DCC: variants seen among roughly 807,000 people sequenced by gnomAD.
DCC encodes DCC netrin 1 receptor.
DCC carries 58 observed loss-of-function variants against 172.5 expected under a neutral mutation model. That is an observed-to-expected ratio of 0.34 (90% CI 0.27 to 0.42). The LOEUF (loss-of-function observed/expected upper bound fraction) is 0.42, where lower values mean the gene tolerates loss of function less well. DCC is among the 10% of genes least tolerant of loss of function. DCC has a pLI of 1.00. For synonymous variants in DCC, 709 were observed against 644.5 expected (o/e 1.10, Z -1.52); for missense variants, 1,740 against 1,791.0 (o/e 0.97, Z 0.51).
intron 7 of DCC, among the ~76,000 whole-genome samples, chr18:53,142,583 T>G (rs1010029540): frequency 6.6e-6 from 1 of 152,174 alleles, no homozygotes; most frequent in Non-Finnish European, 1.5e-5. Context: ...CAACAGTCCC[T>G]ACCCCTCTTT....
At chr18:53,283,754 C>T (rs2056900443) in intron 12 of DCC, among the ~76,000 whole-genome samples, 1 of 152,060 alleles carries the variant, frequency 6.6e-6, no homozygotes, top group Non-Finnish European at 1.5e-5. Flanking sequence ...TGCAATTTTC[C>T]AAAAACAAAG....
intron 5 of DCC, among the ~76,000 whole-genome samples, chr18:52,929,850 A>G (rs2145499949): frequency 6.7e-6 from 1 of 149,212 alleles, no homozygotes; most frequent in East Asian, 1.9e-4. Flanking sequence ...ACACACACAC[A>G]CACACACACA....
chr18:52,456,656 T>C (rs925217276), intron 1 of DCC, among the ~76,000 whole-genome samples: 1 of 152,150 alleles, frequency 6.6e-6, no homozygotes, highest in South Asian at 2.1e-4. Context: ...GATATAAATA[T>C]TTGGGCAAGT....
chr18:53,181,727 A>G (rs567746781), intron 9 of DCC, among the ~76,000 whole-genome samples: 3 of 152,322 alleles, frequency 2.0e-5, no homozygotes, highest in Admixed American at 2.0e-4. Flanking sequence ...TATGTGAGTA[A>G]TAAAGCAGCA....
intron 12 of DCC, among the ~76,000 whole-genome samples, chr18:53,234,643 CTG>C (rs1346284912): frequency 6.6e-6 from 1 of 152,038 alleles, no homozygotes; most frequent in Non-Finnish European, 1.5e-5. Flanking sequence ...ATTTTCAAGA[CTG>C]TGTAAAATAT....
At chr18:52,817,053 C>A (rs1191062631) in intron 2 of DCC, among the ~76,000 whole-genome samples, 1 of 151,916 alleles carries the variant, frequency 6.6e-6, no homozygotes, top group African/African-American at 2.4e-5. Context: ...AAATAATGTT[C>A]CAGACGTTAT....
chr18:52,775,884 C>T (rs1390406741), intron 2 of DCC, among the ~76,000 whole-genome samples: 3 of 152,200 alleles, frequency 2.0e-5, no homozygotes, highest in East Asian at 3.9e-4. Flanking sequence ...GGTGGAGCCC[C>T]AGCCAGGGAC....
At chr18:53,373,335 C>T (rs1205814794) in intron 15 of DCC, among the ~76,000 whole-genome samples, 1 of 151,940 alleles carries the variant, frequency 6.6e-6, no homozygotes, top group Admixed American at 6.6e-5. Context: ...AGCTTCTTGA[C>T]TCATTTATGT....
At chr18:52,388,734 C>A (rs1296583663) in intron 1 of DCC, among the ~76,000 whole-genome samples, 1 of 152,112 alleles carries the variant, frequency 6.6e-6, no homozygotes, top group Non-Finnish European at 1.5e-5. Context: ...CTTTCAGCAG[C>A]CTTCCCACAC....
intron 2 of DCC, among the ~76,000 whole-genome samples, chr18:52,766,046 T>C (rs1435458806): frequency 6.6e-6 from 1 of 152,092 alleles, no homozygotes; most frequent in East Asian, 1.9e-4. Context: ...CTCAACTCCT[T>C]GTGGAGGGAG....
At chr18:52,742,026 T>C (rs1191129712) in intron 1 of DCC, among the ~76,000 whole-genome samples, 2 of 152,158 alleles carry the variant, frequency 1.3e-5, no homozygotes, top group Admixed American at 1.3e-4. Context: ...ATCTGAGCTC[T>C]CTGTCTCCCC....
chr18:53,165,580 G>A (rs1400867911), intron 8 of DCC, among the ~76,000 whole-genome samples: 1 of 152,084 alleles, frequency 6.6e-6, no homozygotes, highest in Non-Finnish European at 1.5e-5. Context: ...CTGCTTCTCT[G>A]TAAAATATAA....
chr18:52,960,678 C>G (rs1310674509), intron 5 of DCC, among the ~76,000 whole-genome samples: 1 of 152,068 alleles, frequency 6.6e-6, no homozygotes, highest in Non-Finnish European at 1.5e-5. Flanking sequence ...TCCTTGTACT[C>G]TTTACTGACT....
intron 1 of DCC, among the ~76,000 whole-genome samples, chr18:52,655,808 A>AT (rs2035232111): frequency 6.6e-6 from 1 of 151,820 alleles, no homozygotes; most frequent in South Asian, 2.1e-4. Flanking sequence ...CAAGACACAA[A>AT]TTTCTTCAAG....
chr18:52,882,303 T>A (rs1423753782), intron 2 of DCC, among the ~76,000 whole-genome samples: 1 of 152,072 alleles, frequency 6.6e-6, no homozygotes, highest in Non-Finnish European at 1.5e-5. Flanking sequence ...TTTTTACAAA[T>A]ATAAGATCAT....
intron 7 of DCC, among the ~76,000 whole-genome samples, chr18:53,156,883 G>T (rs979280135): frequency 1.3e-5 from 2 of 152,064 alleles, no homozygotes; most frequent in African/African-American, 4.8e-5. Context: ...AAACAATTCA[G>T]GGAAATATTA....
At chr18:53,021,573 TG>T (rs1243166153) in intron 5 of DCC, among the ~76,000 whole-genome samples, 1 of 151,920 alleles carries the variant, frequency 6.6e-6, no homozygotes, top group Non-Finnish European at 1.5e-5. Context: ...TGTGTGTGCA[TG>T]TGTATGTGTG....
intron 15 of DCC, among the ~76,000 whole-genome samples, chr18:53,355,463 G>T (rs1042495386): frequency 6.6e-6 from 1 of 152,136 alleles, no homozygotes. Context: ...GCAGTGGTTT[G>T]TAGTTCTCCT....
At chr18:53,283,183 G>C (rs1018529437) in intron 12 of DCC, among the ~76,000 whole-genome samples, 1 of 152,102 alleles carries the variant, frequency 6.6e-6, no homozygotes, top group African/African-American at 2.4e-5. Context: ...AAAAAGAATA[G>C]CATTCAGCCA....
Sources: gnomAD v4.1 joint callset for allele counts (sites outside exome capture counted in the v4.1 genomes callset) on GRCh38, gnomAD v4.1.1 for gene constraint, MANE v1.5 for transcripts, NCBI Gene and HGNC (gene_info 2026-07-23, HGNC 2026-07-21) for gene names.